RUNX1T1: variants seen among roughly 807,000 people sequenced by gnomAD.
RUNX1T1 encodes RUNX1 partner transcriptional co-repressor 1.
A neutral mutation model predicts 62.8 loss-of-function variants in RUNX1T1; 4 were observed. That is an observed-to-expected ratio of 0.06 (90% CI 0.03 to 0.15). The LOEUF (loss-of-function observed/expected upper bound fraction) is 0.15, where lower values mean the gene tolerates loss of function less well. Ranked by LOEUF, RUNX1T1 falls within the 10% of genes least tolerant of loss-of-function variation. The pLI is 1.00. For missense variants in RUNX1T1, 508 were observed against 754.3 expected (o/e 0.67, Z 3.82); for synonymous variants, 291 against 286.0 (o/e 1.02, Z -0.18).
intron 1 of RUNX1T1, among the ~76,000 whole-genome samples, chr8:92,090,648 G>C (rs1364815190): frequency 6.6e-6 from 1 of 152,184 alleles, no homozygotes; most frequent in East Asian, 1.9e-4. Flanking sequence ...GGGGATAACT[G>C]AAAGAAAACA....
At chr8:92,081,287 T>C (rs1835218018) in intron 1 of RUNX1T1, 1 of 964,700 alleles carries the variant, frequency 1.0e-6, no homozygotes, top group Middle Eastern at 5.3e-4. Flanking sequence ...GTTCTTATCA[T>C]TTGATACTAG....
At chr8:92,012,298 C>A (rs186700802) in intron 3 of RUNX1T1, among the ~76,000 whole-genome samples, 1 of 152,120 alleles carries the variant, frequency 6.6e-6, no homozygotes, top group Non-Finnish European at 1.5e-5. Context: ...ATCCCAGTAG[C>A]TTTGGGAGGC....
intron 9 of RUNX1T1, among the ~76,000 whole-genome samples, chr8:91,974,000 A>G (rs1035706094): frequency 2.6e-5 from 4 of 152,050 alleles, no homozygotes; most frequent in African/African-American, 9.6e-5. Context: ...AAATAATCTA[A>G]ACACTTCCTA....
chr8:92,018,932 C>T (rs918611969), intron 1 of RUNX1T1, among the ~76,000 whole-genome samples: 1 of 152,136 alleles, frequency 6.6e-6, no homozygotes, highest in Non-Finnish European at 1.5e-5. Flanking sequence ...ACGGATGTCC[C>T]TATAGTGAAT....
At chr8:92,067,017 C>T (rs1445122400), upstream of RUNX1T1, among the ~76,000 whole-genome samples, 3 of 152,130 alleles carry the variant, frequency 2.0e-5, no homozygotes, top group East Asian at 1.9e-4. Flanking sequence ...TCAGCCAGCC[C>T]GCAGAACTCA....
At chr8:91,976,719 T>C (rs1457380636) in intron 8 of RUNX1T1, among the ~76,000 whole-genome samples, 1 of 152,220 alleles carries the variant, frequency 6.6e-6, no homozygotes, top group Non-Finnish European at 1.5e-5. Flanking sequence ...CTAAAATATG[T>C]TCATGGAATT....
chr8:91,974,439 G>A (rs1185225965), intron 9 of RUNX1T1, among the ~76,000 whole-genome samples: 1 of 151,994 alleles, frequency 6.6e-6, no homozygotes, highest in Admixed American at 6.6e-5. Flanking sequence ...GAACTATCAA[G>A]AATTTAACTT....
downstream of RUNX1T1, chr8:91,955,184 C>G (rs1175586161): frequency 9.2e-6 from 2 of 216,256 alleles, no homozygotes; most frequent in African/African-American, 4.5e-5. Context: ...ATACTGTTCG[C>G]GTAAACTAAA....
chr8:92,074,919 T>C (rs903990509), intron 2 of RUNX1T1, among the ~76,000 whole-genome samples: 1 of 152,124 alleles, frequency 6.6e-6, no homozygotes, highest in African/African-American at 2.4e-5. Context: ...CAAAGGAGTG[T>C]ATCATCCTAC....
chr8:91,955,472 A>T (rs1390729661), downstream of RUNX1T1: 18 of 218,232 alleles, frequency 8.2e-5, no homozygotes, highest in East Asian at 8.1e-4. Flanking sequence ...TCCACTATTT[A>T]AAAAAAAATC....
chr8:91,975,987 G>A lies in RUNX1T1; in HGVS notation c.1199-14C>T, dbSNP rs1813845850. On this transcript the variant is annotated splice_polypyrimidine_tract_variant and intron_variant, in intron 8 of 10. Coordinates refer to ENST00000396218, the Ensembl canonical transcript of RUNX1T1. ...CCCGATGCGCGTCTATGAAAAGGATGGGAAGGGGGTGGAGAGAGGAGGAGA... is the reference window on the plus strand; with the variant it reads ...CCCGATGCGCGTCTATGAAAAGGATAGGAAGGGGGTGGAGAGAGGAGGAGA... The A allele has an allele frequency of 6.2e-7, 1 of 1,603,276 alleles. No homozygotes were observed. Among genetic ancestry groups the A allele is most frequent in the African/African-American group, 1.3e-5 (1 of 74,670 alleles).
At chr8:91,956,885 T>A (rs1233729531), downstream of RUNX1T1, 2 of 209,848 alleles carry the variant, frequency 9.5e-6, no homozygotes, top group Non-Finnish European at 1.9e-5. Context: ...TCGCTTTCTT[T>A]CCCTAAGTAT....
chr8:92,019,039 G>GATTGC (rs1823569329), intron 1 of RUNX1T1: 1 of 152,112 alleles, frequency 6.6e-6, no homozygotes, highest in African/African-American at 2.4e-5. Context: ...GCTACAACCA[G>GATTGC]TAAGTCACTT....
chr8:92,056,974 T>C (rs1831144747), intron 1 of RUNX1T1, among the ~76,000 whole-genome samples: 1 of 152,230 alleles, frequency 6.6e-6, no homozygotes. Flanking sequence ...AGTAAATTTA[T>C]GATTTCTTTT....
Position 91,959,470 on chromosome 8 carries a change from A to ATG in RUNX1T1, c.*770_*771dup, listed in dbSNP as rs1563591339. On this transcript the variant is annotated 3_prime_UTR_variant, in exon 11 of 11. Coordinates refer to ENST00000396218, the Ensembl canonical transcript of RUNX1T1. ...TGTGTGTGTGTGTGTGTGTGTGTAT[A>ATG]TGTGCGTGTGTGTGTGTGTATATAT... is the stretch of plus-strand genomic sequence containing the variant. The ATG allele has an allele frequency of 5.0e-4, 17 of 34,268 alleles. 1 individual carries two copies. Among genetic ancestry groups the ATG allele is most frequent in the African/African-American group, 2.6e-3 (15 of 5,882 alleles). The allele number at this position is 34,268 out of a possible 1,614,324, so 2.1% of individuals were successfully genotyped here.
At chr8:91,992,564 T>A (rs1406767968) in intron 5 of RUNX1T1, among the ~76,000 whole-genome samples, 4 of 152,078 alleles carry the variant, frequency 2.6e-5, no homozygotes, top group African/African-American at 9.7e-5. Flanking sequence ...AAAGTAAGGA[T>A]CAAACTGAGC....
intron 5 of RUNX1T1, among the ~76,000 whole-genome samples, chr8:92,000,313 T>G (rs1199035553): frequency 6.6e-6 from 1 of 151,866 alleles, no homozygotes. Flanking sequence ...AAAAAATAAA[T>G]AAATAAAAAT....
chr8:92,052,158 A>G (rs968425625), intron 1 of RUNX1T1, among the ~76,000 whole-genome samples: 6 of 152,220 alleles, frequency 3.9e-5, no homozygotes, highest in Non-Finnish European at 7.3e-5. Flanking sequence ...CCAATGAAAC[A>G]TTTTTTAATT....
Position 92,005,115 on chromosome 8 carries a change from C to G in RUNX1T1, c.659+1G>C, listed in dbSNP as rs1174039805. ...TCATCCAGGCTCCTCCTCCCTCTCA[C>G]CTGTCTGGAGTTCGCCTCTTCCCGT... On this transcript the variant is annotated splice_donor_variant, in intron 5 of 10. Transcript: ENST00000396218. LOFTEE classifies it high-confidence loss of function. 6.2e-7 allele frequency: 1 copy of G among 1,604,594 alleles called. No homozygotes were observed. The highest frequency in any genetic ancestry group is 8.5e-7 in the Non-Finnish European group (1 of 1,175,792).
Sources: allele counts gnomAD v4.1 joint callset (sites outside exome capture counted in the v4.1 genomes callset), GRCh38; gene constraint gnomAD v4.1.1; transcripts MANE v1.5; gene names NCBI Gene and HGNC (gene_info 2026-07-23, HGNC 2026-07-21).